The following UBE2U variants were observed in gnomAD, a reference collection of about 807,000 sequenced individuals.
UBE2U encodes ubiquitin conjugating enzyme E2 U.
Under a neutral mutation model 41.2 loss-of-function variants are expected in UBE2U, and 39 were observed. That is an observed-to-expected ratio of 0.95 (90% CI 0.73 to 1.24). The LOEUF is 1.24. Among genes scored for constraint, UBE2U ranks in the 50% most tolerant of loss-of-function variants. The pLI is 0.00. For missense variants in UBE2U, 336 were observed against 363.1 expected, an observed-to-expected ratio of 0.93 and a Z score of 0.61; for synonymous variants, 107 against 117.8, an observed-to-expected ratio of 0.91 and a Z score of 0.60.
chr1:64,260,731 A>G (rs705542), intron 9 of UBE2U, 37 bp downstream of exon 9: 1 of 1,501,754 alleles, frequency 6.7e-7, no homozygotes, highest in South Asian at 1.2e-5. Context: ...GCTTTTATAA[A>G]TAACATATTA....
At chr1:64,236,333 G>C (rs1644666531) in intron 7 of UBE2U, among the ~76,000 whole-genome samples, 1 of 152,106 alleles carries the variant, frequency 6.6e-6, no homozygotes, top group Non-Finnish European at 1.5e-5. Context: ...ATACTCTACT[G>C]CCTCCGTAAT....
chr1:64,228,989 T>C (rs985946166), intron 6 of UBE2U, among the ~76,000 whole-genome samples: 1 of 151,682 alleles, frequency 6.6e-6, no homozygotes, highest in African/African-American at 2.4e-5. Context: ...GCCTCCTGAG[T>C]AGCTGGGATT....
rs892131681 is a variant in UBE2U at position 64,203,729 on chromosome 1, C to G, written c.-322C>G. The G allele has an allele frequency of 8.1e-6, 2 of 246,528 alleles. No homozygotes were observed. The highest frequency in any genetic ancestry group is 1.5e-5 in the Non-Finnish European group (2 of 129,332). 15.3% of individuals were successfully genotyped at this position (246,528 alleles called of 1,614,324 possible). On this transcript the variant is annotated 5_prime_UTR_variant, in exon 1 of 10. Transcript: ENST00000371077. ...ACACCTCTCACTCCCACTCACGCGC[C>G]GACGACATGGGCTTGTCTCCGTTAC...
chr1:64,228,855 ATTTTTT>A (rs56873849), intron 6 of UBE2U, among the ~76,000 whole-genome samples: 1 of 93,898 alleles, frequency 1.1e-5, no homozygotes. Context: ...TGCCCAGGTA[ATTTTTT>A]TTTTTTTTTT....
At chr1:64,260,382 T>G (rs11208392) in intron 8 of UBE2U, among the ~76,000 whole-genome samples, 25,490 of 152,200 alleles carry the variant, frequency 0.17, 2,488 homozygotes, top group East Asian at 0.42. Flanking sequence ...AGTAAACATG[T>G]CATATTCATT....
At chr1:64,260,749 T>G in intron 9 of UBE2U, 55 bp downstream of exon 9, 1 of 1,371,892 alleles carries the variant, frequency 7.3e-7, no homozygotes, top group Non-Finnish European at 1.0e-6. Flanking sequence ...TTATGCATAA[T>G]ATGCATAACT....
At chr1:64,215,589 C>T (rs1488702169) in intron 5 of UBE2U, 6 of 152,238 alleles carry the variant, frequency 3.9e-5, no homozygotes, top group African/African-American at 7.2e-5. Context: ...ACCTGCAGTA[C>T]TCCAGATCTT....
chr1:64,247,799 G>A (rs12750383), intron 8 of UBE2U, among the ~76,000 whole-genome samples: 25,672 of 151,208 alleles, frequency 0.17, 2,857 homozygotes, highest in Non-Finnish European at 0.25. Context: ...AGTAGGTCGA[G>A]GCTGCAGTGA....
intron 9 of UBE2U, among the ~76,000 whole-genome samples, chr1:64,265,753 A>G (rs900613181): frequency 1.6e-4 from 25 of 152,020 alleles, no homozygotes; most frequent in African/African-American, 6.0e-4. Context: ...TAATTTTTGT[A>G]TTTTAGTAGA....
intron 9 of UBE2U, among the ~76,000 whole-genome samples, chr1:64,266,023 T>C (rs549072349): frequency 1.3e-5 from 2 of 152,348 alleles, no homozygotes; most frequent in African/African-American, 4.8e-5. Flanking sequence ...AAATTTGTCC[T>C]GGAACCCATA....
chr1:64,232,771 G>A (rs1282432133), intron 7 of UBE2U, 122 bp downstream of exon 7: 1 of 619,518 alleles, frequency 1.6e-6, no homozygotes, highest in Non-Finnish European at 2.8e-6. Context: ...TTCTCTGTAG[G>A]CTCTATATAC....
intron 6 of UBE2U, 110 bp from the exon 7 acceptor site, chr1:64,232,451 T>C (rs922328812): frequency 1.5e-6 from 1 of 664,296 alleles, no homozygotes; most frequent in African/African-American, 1.8e-5. Flanking sequence ...TGCAAGTCAG[T>C]TTAATATCTT....
At chr1:64,236,776 G>A (rs1644675540) in intron 7 of UBE2U, among the ~76,000 whole-genome samples, 3 of 152,132 alleles carry the variant, frequency 2.0e-5, no homozygotes, top group African/African-American at 7.2e-5. Flanking sequence ...AGCAATAAGG[G>A]CAAGTGTCTC....
Position 64,210,807 on chromosome 1 carries a change from T to G in UBE2U, c.307T>G (p.Tyr103Asp), listed in dbSNP as rs889525948. The change falls in exon 4 of 10, where the codon TAT (tyrosine) becomes GAT (aspartate). Residue 103 changes from tyrosine to aspartate, a missense_variant. Transcript: ENST00000371077. Reference sequence around the variant, plus strand: ...CAACCCTGAGAAGTGGAATACAAACTATACATTGAGCAGCATCTTACTTGC... The same window carrying G: ...CAACCCTGAGAAGTGGAATACAAACGATACATTGAGCAGCATCTTACTTGC... ...LDNPEKWNTN[Y>D]TLSSILLALQ... The G allele has an allele frequency of 1.9e-6, 3 of 1,607,462 alleles. No individual in the cohort carries two copies. Among genetic ancestry groups the G allele is most frequent in the Non-Finnish European group, 2.6e-6 (3 of 1,175,940 alleles).
At chr1:64,210,319 G>A (rs1651588967) in intron 3 of UBE2U, among the ~76,000 whole-genome samples, 1 of 152,216 alleles carries the variant, frequency 6.6e-6, no homozygotes, top group Non-Finnish European at 1.5e-5. Flanking sequence ...GACAACGCTG[G>A]AGGGAGGTTG....
At chr1:64,206,591 T>C (rs1354367357) in intron 2 of UBE2U, among the ~76,000 whole-genome samples, 173 bp from the exon 3 acceptor site, 1 of 151,836 alleles carries the variant, frequency 6.6e-6, no homozygotes. Context: ...TTATAATAGA[T>C]TGTGAAGTGT....
chr1:64,239,157 A>AAGGAG, intron 7 of UBE2U, among the ~76,000 whole-genome samples: 11 of 37,050 alleles, frequency 3.0e-4, no homozygotes, highest in African/African-American at 8.5e-4. Flanking sequence ...GAAGAAGAAG[A>AAGGAG]AAGAAGAAGA....
At chr1:64,224,794 G>C (rs1652749531) in intron 6 of UBE2U, among the ~76,000 whole-genome samples, 1 of 151,782 alleles carries the variant, frequency 6.6e-6, no homozygotes, top group African/African-American at 2.4e-5. Flanking sequence ...AAGTTCTAGA[G>C]ATCTCTTGCA....
chr1:64,231,164 TAACA>T (rs79000912), intron 6 of UBE2U, among the ~76,000 whole-genome samples: 22,434 of 152,096 alleles, frequency 0.15, 2,021 homozygotes, highest in East Asian at 0.43. Context: ...CCCTGAAGGC[TAACA>T]GTTTGAAATT....
Sources: gnomAD v4.1 joint callset for allele counts (sites outside exome capture counted in the v4.1 genomes callset) on GRCh38, gnomAD v4.1.1 for gene constraint, MANE v1.5 for transcripts, NCBI Gene and HGNC (gene_info 2026-07-23, HGNC 2026-07-21) for gene names.